The following PCDHGA1 variants were observed in gnomAD, a reference collection of about 807,000 sequenced individuals.
PCDHGA1 encodes protocadherin gamma-A1.
In PCDHGA1, 32 loss-of-function variants were observed where a neutral mutation model predicts 58.0. That is an observed-to-expected ratio of 0.55 (90% CI 0.42 to 0.74). The LOEUF is 0.74. Ranked by LOEUF, PCDHGA1 falls within the 30% of genes least tolerant of loss-of-function variation. The pLI is 0.00. For missense variants in PCDHGA1, 1,205 were observed against 1,182.3 expected (o/e 1.02, Z -0.28); for synonymous variants, 498 against 501.1 (o/e 0.99, Z 0.08).
At chr5:141,463,418 C>A (rs1442067485) in intron 1 of PCDHGA1, among the ~76,000 whole-genome samples, 3 of 138,240 alleles carry the variant, frequency 2.2e-5, no homozygotes, top group Admixed American at 7.4e-5. Context: ...TCCTAGTTTG[C>A]GGATCCTCAT....
chr5:141,338,718 T>A, intron 1 of PCDHGA1: 1 of 788,850 alleles, frequency 1.3e-6, no homozygotes, highest in South Asian at 5.6e-5. Flanking sequence ...CCTCTGAGCG[T>A]CGCTGTTGAC....
intron 1 of PCDHGA1, chr5:141,355,807 G>A: frequency 1.9e-6 from 3 of 1,613,264 alleles, no homozygotes; most frequent in Non-Finnish European, 2.5e-6. Context: ...TCTAGATCGC[G>A]AGGAAGAGGC....
At chr5:141,380,434 T>A (rs919623948) in intron 1 of PCDHGA1, among the ~76,000 whole-genome samples, 38 of 152,208 alleles carry the variant, frequency 2.5e-4, no homozygotes, top group African/African-American at 8.7e-4. Flanking sequence ...AGACTTTACA[T>A]AGAATTCTTT....
intron 1 of PCDHGA1, chr5:141,376,844 G>C (rs897403160): frequency 1.7e-5 from 4 of 242,114 alleles, no homozygotes; most frequent in Non-Finnish European, 3.2e-5. Context: ...CCGCCACCGC[G>C]CCCGGCTAAT....
chr5:141,352,785 T>A, intron 1 of PCDHGA1: 1 of 1,073,222 alleles, frequency 9.3e-7, no homozygotes, highest in Non-Finnish European at 1.3e-6. Context: ...AGGTCAGGAG[T>A]TTGAGACCAG....
intron 1 of PCDHGA1, chr5:141,362,273 T>G (rs1762411224): frequency 1.2e-6 from 2 of 1,613,954 alleles, no homozygotes; most frequent in Non-Finnish European, 8.5e-7. Context: ...GCAATCTCCC[T>G]GCGCCTGCGA....
intron 1 of PCDHGA1, among the ~76,000 whole-genome samples, chr5:141,443,789 A>G (rs1316614117): frequency 6.6e-6 from 1 of 152,234 alleles, no homozygotes; most frequent in East Asian, 1.9e-4. Context: ...GACAAAAAAA[A>G]TGAAAAGGAA....
chr5:141,368,410 C>T (rs1471418854), intron 1 of PCDHGA1, among the ~76,000 whole-genome samples: 1 of 152,086 alleles, frequency 6.6e-6, no homozygotes, highest in African/African-American at 2.4e-5. Context: ...CATACATACA[C>T]ACATGGACAT....
chr5:141,365,451 G>A lies in PCDHGA1; in HGVS notation c.2421+32346G>A, dbSNP rs553043540. 116 of 1,614,042 alleles carry A rather than the reference G, an allele frequency of 7.2e-5. No homozygotes were observed. In the Admixed American group the frequency reaches 1.8e-3, roughly 25 times the overall value. On this transcript the variant is annotated intron_variant, in intron 1 of 3. Coordinates refer to ENST00000517417, the MANE Select transcript of PCDHGA1 (RefSeq NM_018912.3). The stretch of plus-strand genomic sequence containing the variant: ...ATCGCGCTGTTTAGCGTACATGATG[G>A]TGATTCTGGAGAAAATGGTGAGATT...
At chr5:141,501,871 C>T (rs562714939) in intron 2 of PCDHGA1, among the ~76,000 whole-genome samples, 3 of 152,244 alleles carry the variant, frequency 2.0e-5, no homozygotes, top group African/African-American at 7.2e-5. Context: ...CAGGACGCCT[C>T]CTTACACTCC....
chr5:141,389,111 C>G (rs752785695), intron 1 of PCDHGA1: 8 of 1,614,008 alleles, frequency 5.0e-6, no homozygotes, highest in Non-Finnish European at 6.8e-6. Flanking sequence ...CTGTTCTAGA[C>G]CGCGAGCAGA....
At chr5:141,344,291 C>T (rs747584731) in intron 1 of PCDHGA1, 2 of 1,614,058 alleles carry the variant, frequency 1.2e-6, no homozygotes, top group Non-Finnish European at 1.7e-6. Context: ...GCTTGGTCAC[C>T]GCGGAGAGGA....
intron 1 of PCDHGA1, among the ~76,000 whole-genome samples, chr5:141,443,191 A>G (rs2098371862): frequency 6.6e-6 from 1 of 152,122 alleles, no homozygotes; most frequent in Non-Finnish European, 1.5e-5. Flanking sequence ...CATTCTCTAT[A>G]GTACAAAGAG....
intron 1 of PCDHGA1, among the ~76,000 whole-genome samples, chr5:141,483,526 G>A (rs2099582495): frequency 6.6e-6 from 1 of 152,118 alleles, no homozygotes; most frequent in African/African-American, 2.4e-5. Flanking sequence ...TCCTGACTAA[G>A]GAAGCTGGGT....
intron 1 of PCDHGA1, chr5:141,387,595 A>C (rs191053839): frequency 6.0e-5 from 32 of 532,776 alleles, no homozygotes; most frequent in Admixed American, 2.6e-4. Flanking sequence ...AACTTGAAGC[A>C]GCAGAGGCTG....
intron 1 of PCDHGA1, among the ~76,000 whole-genome samples, chr5:141,444,872 G>T (rs2098449555): frequency 6.6e-6 from 1 of 152,120 alleles, no homozygotes. Context: ...ACAGGACAAA[G>T]CTTGTAGGAT....
At chr5:141,441,872 G>A (rs1400648028) in intron 1 of PCDHGA1, 4 of 341,526 alleles carry the variant, frequency 1.2e-5, no homozygotes, top group East Asian at 9.4e-5. Context: ...GCGGAGCCTG[G>A]CTACCTGGTC....
Position 141,404,574 on chromosome 5 carries a change from C to G in PCDHGA1, c.2421+71469C>G, listed in dbSNP as rs185791741. 3 of 1,613,908 alleles carry G rather than the reference C, an allele frequency of 1.9e-6. No individual in the cohort carries two copies. The East Asian group carries it at 6.7e-5, about 36-fold the overall frequency. The stretch of plus-strand genomic sequence containing the variant: ...ACGGCAAGTGACAGTGGAAGCCCAC[C>G]ACTTAGCAGCAATGTGTCATTGAGA... On this transcript the variant is annotated intron_variant, in intron 1 of 3. Coordinates refer to ENST00000517417, the MANE Select transcript of PCDHGA1 (RefSeq NM_018912.3).
In PCDHGA1 at chr5:141,445,206, A is replaced by G. The variant is rs1244524491; in HGVS notation, c.2422-49601A>G. On this transcript the variant is annotated intron_variant, in intron 1 of 3. Transcript: ENST00000517417. ...TTTTTATGTATTCTATATGCTTTTGAAAAGTAAGAGGTGCAAAGTGCTCTA... is the reference window on the plus strand; with the variant it reads ...TTTTTATGTATTCTATATGCTTTTGGAAAGTAAGAGGTGCAAAGTGCTCTA... 3.3e-5 allele frequency among the ~76,000 whole-genome samples: 5 copies of G among 152,182 alleles called. No individual in the cohort carries two copies. The East Asian group carries it at 7.7e-4, about 23-fold the overall frequency.
Sources: allele counts gnomAD v4.1 joint callset (sites outside exome capture counted in the v4.1 genomes callset), GRCh38; gene constraint gnomAD v4.1.1; transcripts MANE v1.5; gene names NCBI Gene and HGNC (gene_info 2026-07-23, HGNC 2026-07-21).